ZFHX3: variants seen among roughly 807,000 people sequenced by gnomAD.
The protein encoded by ZFHX3 is zinc finger homeobox protein 3.
A neutral mutation model predicts 279.1 loss-of-function variants in ZFHX3; 42 were observed. The observed-to-expected ratio is 0.15, with a 90% CI of 0.12 to 0.19. The LOEUF (loss-of-function observed/expected upper bound fraction) is 0.19. Among genes scored for constraint, ZFHX3 ranks in the 10% least tolerant of loss-of-function variants. The pLI, the probability that ZFHX3 is intolerant of heterozygous loss-of-function variation, is 1.00. For synonymous variants in ZFHX3, 2,293 were observed against 1,957.8 expected, an observed-to-expected ratio of 1.17 and a Z score of -4.52; for missense variants, 4,981 against 4,754.0, an observed-to-expected ratio of 1.05 and a Z score of -1.40.
At chr16:73,347,037 G>A (rs772646349) in intron 3 of ZFHX3, among the ~76,000 whole-genome samples, 3 of 152,178 alleles carry the variant, frequency 2.0e-5, no homozygotes, top group Non-Finnish European at 4.4e-5. Context: ...TAACCAGCAA[G>A]GATCCTGGAA....
At chr16:73,517,960 G>T (rs1025632857) in intron 2 of ZFHX3, among the ~76,000 whole-genome samples, 2 of 152,122 alleles carry the variant, frequency 1.3e-5, no homozygotes, top group African/African-American at 4.8e-5. Flanking sequence ...ATTAATTATT[G>T]TTGTACATTT....
intron 3 of ZFHX3, among the ~76,000 whole-genome samples, chr16:73,413,551 T>G (rs79755163): frequency 0.018 from 2,778 of 152,278 alleles, 89 homozygotes; most frequent in African/African-American, 0.062. Flanking sequence ...AGGCAATCAG[T>G]AGCTCTATGC....
At chr16:73,679,865 C>A (rs1213314412) in intron 2 of ZFHX3, 3 of 152,154 alleles carry the variant, frequency 2.0e-5, no homozygotes, top group African/African-American at 2.4e-5. Context: ...GGACTACCCA[C>A]CAACAAAATC....
At chr16:72,789,846 G>T (rs2035620479) in intron 9 of ZFHX3, 1 of 152,210 alleles carries the variant, frequency 6.6e-6, no homozygotes, top group Admixed American at 6.5e-5. Context: ...GGGCCAGTGG[G>T]ACTGTAGATG....
intron 7 of ZFHX3, among the ~76,000 whole-genome samples, chr16:72,806,630 G>C (rs1597256155): frequency 6.6e-6 from 1 of 152,122 alleles, no homozygotes; most frequent in Admixed American, 6.5e-5. Flanking sequence ...GGCTGCCCTA[G>C]AGCCCCAGAT....
chr16:73,620,702 T>A (rs548237259), intron 2 of ZFHX3, among the ~76,000 whole-genome samples: 23 of 152,352 alleles, frequency 1.5e-4, no homozygotes, highest in African/African-American at 5.5e-4. Flanking sequence ...TTGAAGTGCA[T>A]CCTTATTTAT....
At chr16:73,002,690 C>T (rs1002994629) in intron 1 of ZFHX3, among the ~76,000 whole-genome samples, 3 of 152,112 alleles carry the variant, frequency 2.0e-5, no homozygotes, top group Non-Finnish European at 4.4e-5. Context: ...ATAATTAAAG[C>T]TAAGTAGCCT....
chr16:73,754,611 T>C (rs1380894434), intron 1 of ZFHX3, among the ~76,000 whole-genome samples: 1 of 152,236 alleles, frequency 6.6e-6, no homozygotes, highest in Non-Finnish European at 1.5e-5. Context: ...AAATGTTTCC[T>C]ACATCCCACT....
chr16:73,299,407 TA>T (rs2015001371), intron 4 of ZFHX3, among the ~76,000 whole-genome samples: 2 of 152,294 alleles, frequency 1.3e-5, no homozygotes, highest in South Asian at 4.1e-4. Flanking sequence ...GCTGCTGCAT[TA>T]AAATTTAATT....
intron 5 of ZFHX3, among the ~76,000 whole-genome samples, chr16:72,816,338 A>C (rs2036605425): frequency 6.6e-6 from 1 of 152,240 alleles, no homozygotes; most frequent in Non-Finnish European, 1.5e-5. Context: ...TGAATCTTCC[A>C]TAGGCAACAT....
At chr16:72,919,694 A>T (rs889785076) in intron 3 of ZFHX3, among the ~76,000 whole-genome samples, 3 of 151,448 alleles carry the variant, frequency 2.0e-5, no homozygotes, top group Non-Finnish European at 4.4e-5. Context: ...AATTTTACAT[A>T]AACGCAATGA....
intron 4 of ZFHX3, among the ~76,000 whole-genome samples, chr16:72,887,194 G>T (rs1017688598): frequency 2.0e-5 from 3 of 152,144 alleles, no homozygotes; most frequent in African/African-American, 7.2e-5. Context: ...AGGAGCAGGT[G>T]GGCAGAGGGC....
chr16:73,203,900 T>C (rs2011695160), intron 5 of ZFHX3, among the ~76,000 whole-genome samples: 1 of 152,190 alleles, frequency 6.6e-6, no homozygotes, highest in South Asian at 2.1e-4. Context: ...GACTGGTATA[T>C]GAAAGCTGGA....
chr16:73,325,930 C>CACACACACACACACACACACAA (rs2015679170), intron 3 of ZFHX3, among the ~76,000 whole-genome samples: 1 of 88,112 alleles, frequency 1.1e-5, no homozygotes, highest in African/African-American at 6.2e-5. Flanking sequence ...CACACACAAA[C>CACACACACACACACACACACAA]ACACACACAC....
intron 1 of ZFHX3, among the ~76,000 whole-genome samples, chr16:73,031,476 G>C (rs1964698317): frequency 6.6e-6 from 1 of 152,204 alleles, no homozygotes; most frequent in Admixed American, 6.5e-5. Flanking sequence ...CCTTGGTTTG[G>C]AGGAACCACA....
At chr16:73,224,487 A>G (rs1396837892) in intron 5 of ZFHX3, among the ~76,000 whole-genome samples, 11 of 152,228 alleles carry the variant, frequency 7.2e-5, no homozygotes, top group Admixed American at 7.2e-4. Context: ...TGAAAAGCAG[A>G]TGGGCCTCAT....
At chr16:73,628,545 C>T (rs149978017) in intron 2 of ZFHX3, among the ~76,000 whole-genome samples, 2 of 152,264 alleles carry the variant, frequency 1.3e-5, no homozygotes, top group African/African-American at 4.8e-5. Flanking sequence ...AATTATCTTG[C>T]ACTCCTTTTA....
intron 7 of ZFHX3, among the ~76,000 whole-genome samples, chr16:73,106,959 C>T (rs1023121531): frequency 2.0e-5 from 3 of 152,134 alleles, no homozygotes; most frequent in African/African-American, 4.8e-5. Context: ...TCCATCTAAC[C>T]GGTTAGCAGG....
intron 7 of ZFHX3, among the ~76,000 whole-genome samples, chr16:73,105,589 C>T (rs972761213): frequency 6.6e-6 from 1 of 151,640 alleles, no homozygotes; most frequent in African/African-American, 2.4e-5. Flanking sequence ...CCCATCTCTA[C>T]TAAAAGCACA....
Sources: gnomAD v4.1 joint callset for allele counts (sites outside exome capture counted in the v4.1 genomes callset) on GRCh38, gnomAD v4.1.1 for gene constraint, MANE v1.5 for transcripts, NCBI Gene and HGNC (gene_info 2026-07-23, HGNC 2026-07-21) for gene names.